Variants in MEIS2 observed in about 807,000 individuals in gnomAD.
MEIS2 encodes the protein Meis homeobox 2.
Under a neutral mutation model 58.6 loss-of-function variants are expected in MEIS2, and 9 were observed. That is an observed-to-expected ratio of 0.15 (90% CI 0.09 to 0.27). MEIS2 has a LOEUF of 0.27. MEIS2 is among the 10% of genes least tolerant of loss of function. MEIS2 has a pLI of 1.00. For synonymous variants in MEIS2, 221 were observed against 228.4 expected, an observed-to-expected ratio of 0.97 and a Z score of 0.29; for missense variants, 427 against 635.0, an observed-to-expected ratio of 0.67 and a Z score of 3.52.
intron 3 of MEIS2, chr15:37,095,890 A>G (rs1596132518): frequency 1.9e-6 from 1 of 523,698 alleles, no homozygotes; most frequent in African/African-American, 1.9e-5. Flanking sequence ...CAGCAGTCCA[A>G]GAGGCTGTGG....
At chr15:36,982,075 T>A (rs1567139961) in intron 8 of MEIS2, among the ~76,000 whole-genome samples, 1 of 152,154 alleles carries the variant, frequency 6.6e-6, no homozygotes, top group South Asian at 2.1e-4. Context: ...AACTTGCAGA[T>A]GGTATATCAT....
chr15:36,973,734 C>T (rs2059647513), intron 8 of MEIS2, among the ~76,000 whole-genome samples: 1 of 151,612 alleles, frequency 6.6e-6, no homozygotes, highest in South Asian at 2.1e-4. Context: ...AAAATATTAA[C>T]ACTAAAAAAC....
chr15:36,938,009 C>T lies in MEIS2; in HGVS notation c.977+12315G>A, dbSNP rs552151566. 1.1e-4 allele frequency among the ~76,000 whole-genome samples: 17 copies of T among 152,098 alleles called. No individual in the cohort carries two copies. The South Asian group carries it at 3.5e-3, about 32-fold the overall frequency. ...ATGTCAAACTTTTTTTTTCTCCAAC[C>T]CTAGTTGGTCTTTCCACAGTTGGAG... On this transcript the variant is annotated intron_variant, in intron 9 of 11. Coordinates refer to ENST00000561208, the MANE Select transcript of MEIS2 (RefSeq NM_170675.5).
At chr15:37,057,135 C>T (rs1888543105) in intron 7 of MEIS2, among the ~76,000 whole-genome samples, 1 of 152,168 alleles carries the variant, frequency 6.6e-6, no homozygotes, top group South Asian at 2.1e-4. Flanking sequence ...TGGAAGATTA[C>T]CGAATTGATG....
At chr15:36,954,475 A>T (rs996052423) in intron 8 of MEIS2, among the ~76,000 whole-genome samples, 1 of 148,070 alleles carries the variant, frequency 6.8e-6, no homozygotes, top group East Asian at 1.9e-4. Context: ...AATTATATAA[A>T]TTAATTATAA....
chr15:37,016,453 T>C (rs2061350819), intron 8 of MEIS2, among the ~76,000 whole-genome samples: 1 of 151,970 alleles, frequency 6.6e-6, no homozygotes. Flanking sequence ...TAAACCTGCG[T>C]CACAACATGG....
chr15:36,906,344 C>T (rs2056735354), intron 9 of MEIS2, among the ~76,000 whole-genome samples: 4 of 151,666 alleles, frequency 2.6e-5, no homozygotes, highest in African/African-American at 9.7e-5. Flanking sequence ...CCAATCCAGG[C>T]AGAAGAGGGA....
chr15:36,986,318 C>T (rs995764420), intron 8 of MEIS2, among the ~76,000 whole-genome samples: 1 of 152,218 alleles, frequency 6.6e-6, no homozygotes, highest in Non-Finnish European at 1.5e-5. Flanking sequence ...CTTTCAGATG[C>T]TGAAACTGGG....
chr15:37,089,175 G>GC (rs1893236488), intron 6 of MEIS2, among the ~76,000 whole-genome samples: 1 of 152,044 alleles, frequency 6.6e-6, no homozygotes, highest in Admixed American at 6.6e-5. Context: ...ATCGGAATAG[G>GC]CCCCAGAGGC....
chr15:37,037,012 A>G (rs2062184573), intron 7 of MEIS2, 53 bp from the exon 8 acceptor site: 3 of 1,536,880 alleles, frequency 2.0e-6, no homozygotes, highest in Non-Finnish European at 2.6e-6. Context: ...GGTGCCAACA[A>G]CAAGTGCAGC....
chr15:36,998,236 G>GTTTTTTTTTT (rs5811954), intron 8 of MEIS2, among the ~76,000 whole-genome samples: 4 of 66,752 alleles, frequency 6.0e-5, no homozygotes, highest in African/African-American at 1.1e-4. Context: ...AAAACACAAA[G>GTTTTTTTTTT]TTTTTTTTTT....
intron 1 of MEIS2, 146 bp downstream of exon 1, chr15:37,099,309 G>T (rs1894809109): frequency 6.5e-7 from 1 of 1,540,436 alleles, no homozygotes; most frequent in Non-Finnish European, 8.8e-7. Flanking sequence ...AGAAGCCGAT[G>T]AATAATTTTG....
At chr15:37,003,085 G>A (rs1487543753) in intron 8 of MEIS2, among the ~76,000 whole-genome samples, 2 of 152,030 alleles carry the variant, frequency 1.3e-5, no homozygotes, top group Non-Finnish European at 2.9e-5. Flanking sequence ...ATTTAGTTTG[G>A]CACCCACAGA....
At position 37,099,803 on chromosome 15, in the gene MEIS2, G is replaced by T; in HGVS notation, c.-337C>A. 1 of 249,898 alleles carries T rather than the reference G, an allele frequency of 4.0e-6. No individual in the cohort carries two copies. The highest frequency in any genetic ancestry group is 7.0e-6 in the Non-Finnish European group (1 of 143,228). The allele number at this position is 249,898 out of a possible 1,614,324, so 15.5% of individuals were successfully genotyped here. On this transcript the variant is annotated 5_prime_UTR_variant, in exon 1 of 12. Coordinates refer to ENST00000561208, the MANE Select transcript of MEIS2 (RefSeq NM_170675.5). ...TCTTTCTCTTCTCTTCCCCTCAGTT[G>T]GAAAAAAAAAGAAAGAAAAGAAAAA...
chr15:37,018,455 G>A (rs2061421720), intron 8 of MEIS2, among the ~76,000 whole-genome samples: 3 of 152,104 alleles, frequency 2.0e-5, no homozygotes, highest in Admixed American at 2.0e-4. Context: ...AATCTATCAG[G>A]CTTATAATAT....
chr15:37,073,324 G>T (rs1890956371), intron 7 of MEIS2, among the ~76,000 whole-genome samples: 1 of 151,914 alleles, frequency 6.6e-6, no homozygotes, highest in South Asian at 2.1e-4. Flanking sequence ...TCTGCAACAA[G>T]CTCCCCCTAT....
At chr15:37,035,475 C>T (rs1472757515) in intron 8 of MEIS2, among the ~76,000 whole-genome samples, 2 of 152,114 alleles carry the variant, frequency 1.3e-5, no homozygotes, top group Admixed American at 6.5e-5. Flanking sequence ...TCAGTATTTG[C>T]TTAGGACTCA....
intron 8 of MEIS2, among the ~76,000 whole-genome samples, chr15:36,995,183 G>A (rs1433717507): frequency 6.6e-6 from 1 of 152,140 alleles, no homozygotes; most frequent in Non-Finnish European, 1.5e-5. Flanking sequence ...TATGGCTGAA[G>A]GGAAATGGTC....
Position 36,933,760 on chromosome 15 carries a change from C to T in MEIS2, c.977+16564G>A, listed in dbSNP as rs192754424. On this transcript the variant is annotated intron_variant, in intron 9 of 11. Coordinates refer to ENST00000561208, the MANE Select transcript of MEIS2 (RefSeq NM_170675.5). ...CTCTATTTATATGACTTTCCAAAAGCCCCTGAGAAAACCACTTCAATTTAT... is the reference window on the plus strand; with the variant it reads ...CTCTATTTATATGACTTTCCAAAAGTCCCTGAGAAAACCACTTCAATTTAT... 2.0e-5 allele frequency among the ~76,000 whole-genome samples: 3 copies of T among 152,174 alleles called. No homozygotes were observed. The East Asian group carries it at 5.8e-4, about 29-fold the overall frequency.
Sources: allele counts gnomAD v4.1 joint callset (sites outside exome capture counted in the v4.1 genomes callset), GRCh38; gene constraint gnomAD v4.1.1; transcripts MANE v1.5; gene names NCBI Gene and HGNC (gene_info 2026-07-23, HGNC 2026-07-21).